Variants in BTNL8 observed in about 807,000 individuals in gnomAD.
BTNL8 encodes the protein butyrophilin like 8, also known as butyrophilin-like protein 8.
In BTNL8, 22 loss-of-function variants were observed where a neutral mutation model predicts 36.1. The ratio of observed to expected loss-of-function variants is 0.61; its 90% CI spans 0.44 to 0.87. The LOEUF is 0.87. Ranked by LOEUF, BTNL8 falls within the 40% of genes least tolerant of loss-of-function variation. BTNL8 has a pLI of 0.00. For synonymous variants in BTNL8, 203 were observed against 235.6 expected (o/e 0.86, Z 1.27); for missense variants, 526 against 616.9 (o/e 0.85, Z 1.56).
chr5:180,940,139 G>A, intron 3 of BTNL8, among the ~76,000 whole-genome samples: 1 of 151,976 alleles, frequency 6.6e-6, no homozygotes, highest in Non-Finnish European at 1.5e-5. Flanking sequence ...GAGGTCAAGG[G>A]GTCAAGACCA....
intron 1 of BTNL8, among the ~76,000 whole-genome samples, chr5:180,905,290 C>A (rs1411362932): frequency 6.7e-6 from 1 of 150,050 alleles, no homozygotes; most frequent in African/African-American, 2.5e-5. Flanking sequence ...TCCATTTCTT[C>A]TAGATTTTCT....
chr5:180,919,710 C>T (rs1001645921), intron 3 of BTNL8, among the ~76,000 whole-genome samples: 1 of 152,048 alleles, frequency 6.6e-6, no homozygotes, highest in African/African-American at 2.4e-5. Context: ...TTGTAGGATA[C>T]AAAATCAACA....
chr5:180,909,716 T>TAAAA (rs578101929), intron 2 of BTNL8: 168 of 187,874 alleles, frequency 8.9e-4, no homozygotes, highest in African/African-American at 4.1e-3. Context: ...TCATCTCTAT[T>TAAAA]AAAAAAAAAA....
chr5:180,911,291 C>T (rs1464240572), intron 2 of BTNL8, 48 bp from the exon 3 acceptor site: 5 of 1,598,244 alleles, frequency 3.1e-6, no homozygotes, highest in Non-Finnish European at 2.6e-6. Flanking sequence ...ATTGCTGTGG[C>T]TTTGGGATGT....
intron 3 of BTNL8, among the ~76,000 whole-genome samples, chr5:180,938,983 A>G (rs898896778): frequency 6.6e-6 from 1 of 152,202 alleles, no homozygotes; most frequent in African/African-American, 2.4e-5. Flanking sequence ...TGGAAGGGAA[A>G]GGATGATAAC....
chr5:180,950,476 C>T lies in BTNL8; in HGVS notation c.1435C>T (p.Pro479Ser). The change falls in exon 8 of 8, where the codon CCA (proline) becomes TCA (serine). Residue 479 changes from proline (P) to serine (S), a missense_variant. This residue lies in a region of BTNL8 where 176 missense variants were observed against 292.3 expected (regional missense o/e 0.60). Transcript: ENST00000340184. ...EASWQRASAI[P>S]ETSNSESSSQ... ...CTCTTGGCAAAGGGCCTCTGCAATC[C>T]CAGAGACAAGCAACAGTGAGTCCTC... The T allele has an allele frequency of 6.8e-7, 1 of 1,463,728 alleles. No homozygotes were observed. Among genetic ancestry groups the T allele is most frequent in the African/African-American group, 1.4e-5 (1 of 72,722 alleles). The allele number at this position is 1,463,728 out of a possible 1,614,324, so 90.7% of individuals were successfully genotyped here. A position where few individuals can be genotyped will look rare whatever the true frequency, so the allele number is the denominator to read the frequency against.
Position 180,950,201 on chromosome 5 carries a change from T to C in BTNL8, c.1160T>C (p.Leu387Ser). The C allele has an allele frequency of 2.0e-6, 3 of 1,463,456 alleles. 1 individual carries two copies. Among genetic ancestry groups the C allele is most frequent in the Non-Finnish European group, 2.8e-6 (3 of 1,058,984 alleles). The allele number at this position is 1,463,456 out of a possible 1,614,324, so 90.7% of individuals were successfully genotyped here. The change falls in exon 8 of 8, where the codon TTG (leucine) becomes TCG (serine). Residue 387 changes from leucine (L) to serine (S), a missense_variant. Leu to Ser is a moderately radical substitution (Grantham distance 145, BLOSUM62 -2). Coordinates refer to ENST00000340184, the MANE Select transcript of BTNL8 (RefSeq NM_001040462.3). ...YWVLRLNGEH[L>S]YFTLNPRFIS... ...GTCCTCAGACTGAATGGAGAACATT[T>C]GTATTTCACATTAAATCCCCGTTTT...
At chr5:180,938,885 A>T (rs1758792713) in intron 3 of BTNL8, among the ~76,000 whole-genome samples, 2 of 152,204 alleles carry the variant, frequency 1.3e-5, no homozygotes, top group Non-Finnish European at 2.9e-5. Context: ...AATAAAGAAG[A>T]AAAAGATATT....
intron 3 of BTNL8, among the ~76,000 whole-genome samples, chr5:180,941,912 C>CTTTTTTTTTTTTTTT (rs1554145496): frequency 9.7e-4 from 141 of 144,674 alleles, no homozygotes; most frequent in Middle Eastern, 3.5e-3. Flanking sequence ...TTTTACTACT[C>CTTTTTTTTTTTTTTT]TTATTCAACA....
chr5:180,941,422 G>A (rs2113854698), intron 3 of BTNL8, among the ~76,000 whole-genome samples: 1 of 152,194 alleles, frequency 6.6e-6, no homozygotes. Flanking sequence ...TTGAAGGGGT[G>A]GGAATTCTTC....
In BTNL8 at chr5:180,911,499, T is replaced by C. The variant is rs373005299; in HGVS notation, c.558T>C (p.His186=). 231 of 1,614,042 alleles carry C rather than the reference T, an allele frequency of 1.4e-4. No individual in the cohort carries two copies. The highest frequency in any genetic ancestry group is 1.9e-4 in the Non-Finnish European group (226 of 1,180,034). ...ACTCCAGGACAAACAGAGACATGCA[T>C]GGCCTGTTTGATGTGGAGATCTCTC... The part of the protein sequence containing the change: ...STDSRTNRDM[H]GLFDVEISLT... The change falls in exon 3 of 8, where the codon CAT becomes CAC. Residue 186 remains histidine, a synonymous_variant. Coordinates refer to ENST00000340184, the MANE Select transcript of BTNL8 (RefSeq NM_001040462.3).
chr5:180,946,406 T>C (rs1033699244), intron 3 of BTNL8, among the ~76,000 whole-genome samples: 1 of 152,160 alleles, frequency 6.6e-6, no homozygotes, highest in African/African-American at 2.4e-5. Context: ...GATCTATAAA[T>C]ACAATGGAAT....
Position 180,949,908 on chromosome 5 carries a change from G to A in BTNL8, c.867G>A (p.Glu289=), listed in dbSNP as rs1214487792. The change falls in exon 8 of 8, where the codon GAG becomes GAA. Residue 289 remains glutamate, a synonymous_variant. Transcript: ENST00000340184. The part of the protein sequence containing the change: ...ELRDARKHAV[E]VTLDPETAHP... Reference sequence around the variant, plus strand: ...CTCTCCCCCACCGCACCCCAGTGGAGGTGACTCTGGATCCAGAGACGGCTC... The same window carrying A: ...CTCTCCCCCACCGCACCCCAGTGGAAGTGACTCTGGATCCAGAGACGGCTC... The A allele has an allele frequency of 6.9e-7, 1 of 1,456,742 alleles. No individual in the cohort carries two copies. The highest frequency in any genetic ancestry group is 1.1e-5 in the South Asian group (1 of 89,084). 90.2% of individuals were successfully genotyped at this position (1,456,742 alleles called of 1,614,324 possible). A position where few individuals can be genotyped will look rare whatever the true frequency, so the allele number is the denominator to read the frequency against.
At chr5:180,925,223 C>T (rs969415117) in intron 3 of BTNL8, among the ~76,000 whole-genome samples, 9 of 152,194 alleles carry the variant, frequency 5.9e-5, no homozygotes, top group South Asian at 4.1e-4. Context: ...AACAAGATCC[C>T]GAAGGCATAT....
intron 3 of BTNL8, among the ~76,000 whole-genome samples, chr5:180,918,959 T>C (rs767716729): frequency 6.6e-6 from 1 of 152,172 alleles, no homozygotes; most frequent in Non-Finnish European, 1.5e-5. Flanking sequence ...ATGTTTCATA[T>C]TCAGATCTTT....
intron 3 of BTNL8, among the ~76,000 whole-genome samples, chr5:180,944,586 T>C (rs1759150230): frequency 6.6e-6 from 1 of 152,112 alleles, no homozygotes; most frequent in Non-Finnish European, 1.5e-5. Flanking sequence ...ATAGCAGCAA[T>C]AAGTTCCAGT....
chr5:180,927,708 G>T (rs1290399386), intron 3 of BTNL8, among the ~76,000 whole-genome samples: 1 of 152,040 alleles, frequency 6.6e-6, no homozygotes, highest in African/African-American at 2.4e-5. Context: ...CAGCCAAATC[G>T]ATCAAGTGGA....
In BTNL8 at chr5:180,926,494, G is replaced by A. The variant is rs529842862; in HGVS notation, c.673+14880G>A. Among the ~76,000 whole-genome samples, 52 of 152,246 alleles carry A rather than the reference G, an allele frequency of 3.4e-4. 1 individual carries two copies. Among genetic ancestry groups the A allele is most frequent in the Admixed American group, 1.3e-3 (20 of 15,302 alleles). ...CAGAACCATTCACTCCCCTGGAAAG[G>A]GGGCTGAAGCCAGAAAGCCAAGTGG... On this transcript the variant is annotated intron_variant, in intron 3 of 7. Transcript: ENST00000340184.
chr5:180,916,518 CAAT>C (rs1028285399), intron 3 of BTNL8, among the ~76,000 whole-genome samples: 1 of 151,674 alleles, frequency 6.6e-6, no homozygotes, highest in Non-Finnish European at 1.5e-5. Context: ...ATAAAAAGAT[CAAT>C]AAAACTAAAT....
Sources: gnomAD v4.1 joint callset for allele counts (sites outside exome capture counted in the v4.1 genomes callset) on GRCh38, gnomAD v4.1.1 for gene constraint, gnomAD v4.1.1 regional missense constraint, MANE v1.5 for transcripts, NCBI Gene and HGNC (gene_info 2026-07-23, HGNC 2026-07-21) for gene names.